ARFGEF1: variants seen among roughly 807,000 people sequenced by gnomAD.
ARFGEF1 encodes ARF guanine nucleotide exchange factor 1.
Under a neutral mutation model 231.0 loss-of-function variants are expected in ARFGEF1, and 42 were observed. That is an observed-to-expected ratio of 0.18 (90% CI 0.14 to 0.24). The LOEUF (loss-of-function observed/expected upper bound fraction) is 0.24. ARFGEF1 is among the 10% of genes least tolerant of loss of function. The probability of loss-of-function intolerance (pLI) is 1.00; values close to 1 mark genes in which losing one functional copy is unlikely to be tolerated. For synonymous variants in ARFGEF1, 710 were observed against 732.3 expected, an observed-to-expected ratio of 0.97 and a Z score of 0.49; for missense variants, 1,345 against 2,192.0, an observed-to-expected ratio of 0.61 and a Z score of 7.72.
chr8:67,266,803 G>A lies in ARFGEF1; in HGVS notation c.1921+73C>T, dbSNP rs1804871847. On this transcript the variant is annotated intron_variant, in intron 13 of 38. Transcript: ENST00000262215. ...AATATGTCATGAAATTGGTTTAACA[G>A]CAGCTGCAACTATCCTCCAAAGTAT... 3 of 1,158,102 alleles carry A rather than the reference G, an allele frequency of 2.6e-6. No individual in the cohort carries two copies. In the Admixed American group the frequency reaches 7.2e-5, roughly 28 times the overall value. 71.7% of individuals were successfully genotyped at this position (1,158,102 alleles called of 1,614,324 possible). A position where few individuals can be genotyped will look rare whatever the true frequency, so the allele number is the denominator to read the frequency against.
At position 67,332,191 on chromosome 8, in the gene ARFGEF1, T is replaced by C. The variant is rs144793090; in HGVS notation, c.124+10973A>G. The stretch of plus-strand genomic sequence containing the variant: ...ATAAGTACTTTTATATACTTACATA[T>C]GAAGTCACTGAGATTTACAACTAGT... On this transcript the variant is annotated intron_variant, in intron 1 of 38. Coordinates refer to ENST00000262215, the MANE Select transcript of ARFGEF1 (RefSeq NM_006421.5). 2.0e-3 allele frequency among the ~76,000 whole-genome samples: 299 copies of C among 152,312 alleles called. 3 individuals carry two copies. The highest frequency in any genetic ancestry group is 6.8e-3 in the African/African-American group (283 of 41,554).
chr8:67,329,478 G>T (rs184492594), intron 1 of ARFGEF1, among the ~76,000 whole-genome samples: 1 of 151,316 alleles, frequency 6.6e-6, no homozygotes, highest in South Asian at 2.1e-4. Flanking sequence ...GCAGTGAGCC[G>T]AGATTGTGCC....
chr8:67,186,066 A>T (rs1353710844), intron 5 of ARFGEF1, among the ~76,000 whole-genome samples: 1 of 152,222 alleles, frequency 6.6e-6, no homozygotes, highest in Admixed American at 6.5e-5. Flanking sequence ...ATTGATCAGG[A>T]GGCTATTCAA....
At chr8:67,299,085 C>T (rs1348186212) in intron 4 of ARFGEF1, 124 bp downstream of exon 4, 3 of 985,632 alleles carry the variant, frequency 3.0e-6, no homozygotes, top group Non-Finnish European at 4.2e-6. Context: ...AGCCCGGCCT[C>T]GAATAACCTG....
chr8:67,258,211 A>C lies in ARFGEF1; in HGVS notation c.2315T>G (p.Phe772Cys). 3 of 1,612,190 alleles carry C rather than the reference A, an allele frequency of 1.9e-6. No homozygotes were observed. Among genetic ancestry groups the C allele is most frequent in the Non-Finnish European group, 2.5e-6 (3 of 1,178,342 alleles). The change falls in exon 16 of 39, where the codon TTT (phenylalanine) becomes TGT (cysteine). Residue 772 changes from phenylalanine to cysteine, a missense_variant. Physicochemically the swap from Phe to Cys is radical, Grantham distance 205 (BLOSUM62 -2). This residue lies in a region of ARFGEF1 where 105 missense variants were observed against 159.3 expected (regional missense o/e 0.66). Transcript: ENST00000262215. ...VMYAYVDQHD[F>C]SGKDFVSALR... is the part of the protein sequence containing the mutation. ...GGCTGAAACGAAGTCTTTTCCTGAA[A>C]AGTCATGTTGGTCCACATATGCATA...
chr8:67,290,016 G>T (rs1805940215), intron 6 of ARFGEF1, among the ~76,000 whole-genome samples: 1 of 152,152 alleles, frequency 6.6e-6, no homozygotes, highest in Non-Finnish European at 1.5e-5. Context: ...ATTACATGTA[G>T]GAAATGCTTA....
chr8:67,318,327 A>T (rs1190316351), intron 1 of ARFGEF1, among the ~76,000 whole-genome samples: 1 of 152,076 alleles, frequency 6.6e-6, no homozygotes, highest in Non-Finnish European at 1.5e-5. Context: ...AAAATTCAGC[A>T]TCCATTCATG....
Position 67,190,777 on chromosome 8 carries a change from C to A in ARFGEF1, c.560+9619G>T, listed in dbSNP as rs372999075. Reference sequence around the variant, plus strand: ...TAGACATTGTATGTATGAGACTTTTCTCCCCCTTTTCAACTTAGAAGAATG... The same window carrying A: ...TAGACATTGTATGTATGAGACTTTTATCCCCCTTTTCAACTTAGAAGAATG... On this transcript the variant is annotated intron_variant, in intron 5 of 5. Coordinates refer to the ARFGEF1 transcript ENST00000518789. 22 of 1,546,910 alleles carry A rather than the reference C, an allele frequency of 1.4e-5. No homozygotes were observed. The African/African-American group carries it at 2.7e-4, about 19-fold the overall frequency.
intron 5 of ARFGEF1, chr8:67,177,623 T>A: frequency 9.0e-7 from 1 of 1,113,006 alleles, no homozygotes; most frequent in South Asian, 1.4e-5. Context: ...AAAATTTAAT[T>A]TATATAGTAA....
At chr8:67,272,977 G>C (rs1054534894) in intron 9 of ARFGEF1, among the ~76,000 whole-genome samples, 1 of 151,792 alleles carries the variant, frequency 6.6e-6, no homozygotes, top group African/African-American at 2.4e-5. Flanking sequence ...TGTGGTGGTG[G>C]GCACCTGTAA....
chr8:67,271,101 T>C (rs1230013089), intron 10 of ARFGEF1, among the ~76,000 whole-genome samples: 3 of 146,918 alleles, frequency 2.0e-5, no homozygotes, highest in African/African-American at 5.1e-5. Flanking sequence ...GCAGACACGA[T>C]TGAAAACATC....
intron 19 of ARFGEF1, among the ~76,000 whole-genome samples, 169 bp downstream of exon 19, chr8:67,251,130 T>C (rs868177895): frequency 8.5e-5 from 13 of 152,238 alleles, no homozygotes; most frequent in African/African-American, 2.7e-4. Flanking sequence ...CTTTAAGTAA[T>C]AGAAAATTTG....
intron 23 of ARFGEF1, among the ~76,000 whole-genome samples, chr8:67,230,199 T>C (rs1365821616): frequency 6.6e-6 from 1 of 152,068 alleles, no homozygotes; most frequent in African/African-American, 2.4e-5. Context: ...AGCCTTAACA[T>C]TAAGGCAAGA....
intron 10 of ARFGEF1, among the ~76,000 whole-genome samples, chr8:67,269,350 C>CT (rs796473421): frequency 0.053 from 6,803 of 128,808 alleles, 308 homozygotes; most frequent in African/African-American, 0.091. Context: ...CCACGTTCAG[C>CT]TTTTTTTTTT....
chr8:67,227,586 G>A lies in ARFGEF1; in HGVS notation c.3604C>T (p.Pro1202Ser), dbSNP rs867694198. The change falls in exon 26 of 39, where the codon CCT (proline) becomes TCT (serine). Residue 1202 changes from proline (P) to serine (S), a missense_variant. Around this residue, in one of 14 missense-constraint regions of ARFGEF1, gnomAD observed 146 missense variants for 321.4 expected, o/e 0.45. Coordinates refer to ENST00000262215, the MANE Select transcript of ARFGEF1 (RefSeq NM_006421.5). The stretch of plus-strand genomic sequence containing the variant: ...GCAAAAATAGCTACATCTTCATTAG[G>A]ATTACACCCAACCTGTAATGGCGAC... ...GDHFNKVGCNPNEDVAIFAVD... is the reference protein window; with the variant it reads ...GDHFNKVGCNSNEDVAIFAVD... 6.2e-7 allele frequency: 1 copy of A among 1,612,326 alleles called. No individual in the cohort carries two copies. Among genetic ancestry groups the A allele is most frequent in the African/African-American group, 1.3e-5 (1 of 74,804 alleles).
In ARFGEF1 at chr8:67,326,730, T is replaced by A. The variant is rs571839953; in HGVS notation, c.124+16434A>T. 1.1e-3 allele frequency among the ~76,000 whole-genome samples: 175 copies of A among 152,360 alleles called. 3 individuals are homozygous for A. The South Asian group carries it at 0.017, about 15-fold the overall frequency. On this transcript the variant is annotated intron_variant, in intron 1 of 38. Transcript: ENST00000262215. ...GTATAACAAAATCAATTTTTTCTAA[T>A]CAACCTTATAATGACATGATGTTTA...
At chr8:67,266,653 C>T (rs1203557539) in intron 13 of ARFGEF1, among the ~76,000 whole-genome samples, 4 of 152,006 alleles carry the variant, frequency 2.6e-5, no homozygotes, top group Non-Finnish European at 5.9e-5. Flanking sequence ...CTTCATTTTA[C>T]ATAATCAAAA....
chr8:67,223,168 G>A (rs1338908837), intron 29 of ARFGEF1, among the ~76,000 whole-genome samples: 1 of 152,302 alleles, frequency 6.6e-6, no homozygotes, highest in East Asian at 1.9e-4. Context: ...ATGCACACAA[G>A]AAATTCTTTC....
chr8:67,190,793 T>G (rs1836011599), intron 5 of ARFGEF1: 3 of 1,469,626 alleles, frequency 2.0e-6, no homozygotes, highest in East Asian at 2.3e-5. Context: ...CTTTTCAACT[T>G]AGAAGAATGA....
Sources: gnomAD v4.1 joint callset for allele counts (sites outside exome capture counted in the v4.1 genomes callset) on GRCh38, gnomAD v4.1.1 for gene constraint, gnomAD v4.1.1 regional missense constraint, MANE v1.5 for transcripts, NCBI Gene and HGNC (gene_info 2026-07-23, HGNC 2026-07-21) for gene names.